GARRE1: variants seen among roughly 807,000 people sequenced by gnomAD.
GARRE1 encodes the protein granule associated Rac and RHOG effector protein 1.
GARRE1 carries 49 observed loss-of-function variants against 103.2 expected under a neutral mutation model. The observed-to-expected ratio is 0.47, with a 90% CI of 0.38 to 0.60. GARRE1 has a LOEUF of 0.60. Among genes scored for constraint, GARRE1 ranks in the 20% least tolerant of loss-of-function variants. The probability of loss-of-function intolerance (pLI) is 0.00; values close to 1 mark genes in which losing one functional copy is unlikely to be tolerated. For missense variants in GARRE1, 1,199 were observed against 1,370.5 expected, an observed-to-expected ratio of 0.87 and a Z score of 1.98; for synonymous variants, 505 against 532.8, an observed-to-expected ratio of 0.95 and a Z score of 0.72.
At position 34,330,208 on chromosome 19, in the gene GARRE1, TGAA is replaced by T. The variant is rs758145067; in HGVS notation, c.1126_1128del (p.Lys376del). On this transcript the variant is annotated inframe_deletion, in exon 7 of 14. Transcript: ENST00000299505. The stretch of plus-strand genomic sequence containing the variant: ...CTATAGCATACAATGTTACAGCTGA[TGAA>T]GGAGGCAGGCTGCTATAATGGAATC... The T allele has an allele frequency of 4.8e-5, 78 of 1,613,926 alleles. No individual in the cohort carries two copies. The highest frequency in any genetic ancestry group is 6.4e-5 in the Non-Finnish European group (75 of 1,179,930).
intron 12 of GARRE1, among the ~76,000 whole-genome samples, chr19:34,350,928 G>A (rs1258674806): frequency 1.3e-5 from 2 of 152,058 alleles, no homozygotes; most frequent in African/African-American, 4.8e-5. Flanking sequence ...GCCGGACTCG[G>A]TGGCTCACAC....
Position 34,300,684 on chromosome 19 carries a change from ACTC to A in GARRE1, c.214_216del (p.Pro72del), listed in dbSNP as rs755075889. On this transcript the variant is annotated inframe_deletion, in exon 2 of 14. Transcript: ENST00000299505. Reference sequence around the variant, plus strand: ...CTGCCACCATGCCATGCCCCACACTACTCCTATCGCCGACATCCAGCAGGGCAT... The same window carrying A: ...CTGCCACCATGCCATGCCCCACACTACTATCGCCGACATCCAGCAGGGCAT... 6.3e-5 allele frequency: 101 copies of A among 1,613,442 alleles called. No individual in the cohort carries two copies. In the South Asian group the frequency reaches 1.0e-3, roughly 16 times the overall value.
intron 12 of GARRE1, among the ~76,000 whole-genome samples, chr19:34,350,781 C>T (rs2074232512): frequency 1.3e-5 from 2 of 151,902 alleles, no homozygotes. Context: ...CAGGGTTTCA[C>T]CATGTTAGCC....
intron 1 of GARRE1, chr19:34,265,419 T>C (rs1157909412): frequency 6.6e-6 from 1 of 152,270 alleles, no homozygotes; most frequent in East Asian, 1.9e-4. Flanking sequence ...TGAGTCACTT[T>C]GTAATGTACT....
At chr19:34,260,026 CAATT>C (rs1387978761) in intron 1 of GARRE1, among the ~76,000 whole-genome samples, 1 of 152,204 alleles carries the variant, frequency 6.6e-6, no homozygotes, top group Non-Finnish European at 1.5e-5. Context: ...AACTGTGAAT[CAATT>C]AAGCCTCTTT....
chr19:34,267,721 ATT>A (rs564062363), intron 1 of GARRE1, among the ~76,000 whole-genome samples: 1 of 144,878 alleles, frequency 6.9e-6, no homozygotes, highest in Non-Finnish European at 1.5e-5. Flanking sequence ...TAGACTGTTG[ATT>A]TTTTTTTTTA....
chr19:34,317,009 A>G (rs1292662777), intron 2 of GARRE1, among the ~76,000 whole-genome samples: 2 of 152,154 alleles, frequency 1.3e-5, no homozygotes, highest in East Asian at 3.9e-4. Context: ...CATTCTCCCC[A>G]GGGGTGATGG....
In GARRE1 at chr19:34,293,743, C is replaced by T. The variant is rs199921970; in HGVS notation, c.-795-5936C>T. Among the ~76,000 whole-genome samples the T allele has an allele frequency of 1.2e-4, 14 of 113,526 alleles. No individual in the cohort carries two copies. In the East Asian group the frequency reaches 4.3e-3, roughly 35 times the overall value. The allele number at this position is 113,526 out of a possible 152,430, so 74.5% of individuals were successfully genotyped here. On this transcript the variant is annotated intron_variant, in intron 1 of 13. Coordinates refer to ENST00000299505, the MANE Select transcript of GARRE1 (RefSeq NM_014686.5). ...ACACACACACACACACACACACACA[C>T]ATATTTCTTTTTTTTTTTTTTTTTT...
intron 1 of GARRE1, among the ~76,000 whole-genome samples, chr19:34,257,351 T>A (rs1343514807): frequency 6.6e-6 from 1 of 152,222 alleles, no homozygotes; most frequent in East Asian, 1.9e-4. Flanking sequence ...ACTCTCTTTT[T>A]TTTTGAGTCG....
At chr19:34,290,430 T>C (rs1443809572) in intron 1 of GARRE1, among the ~76,000 whole-genome samples, 1 of 152,174 alleles carries the variant, frequency 6.6e-6, no homozygotes, top group African/African-American at 2.4e-5. Context: ...CTTGCCTACC[T>C]GAAATGTGCT....
At chr19:34,314,958 C>T (rs1005922120) in intron 2 of GARRE1, among the ~76,000 whole-genome samples, 9 of 152,124 alleles carry the variant, frequency 5.9e-5, no homozygotes, top group Non-Finnish European at 1.2e-4. Flanking sequence ...AAAGATACCT[C>T]ATTAAGAACA....
At position 34,354,230 on chromosome 19, in the gene GARRE1, T is replaced by C. The variant is rs2074257472; in HGVS notation, c.*1275T>C. ...CAGTATTAATATTTTTTTTATATTT[T>C]CTTAAATCATTAAACCATTTTAATA... On this transcript the variant is annotated 3_prime_UTR_variant, in exon 14 of 14. Coordinates refer to ENST00000299505, the MANE Select transcript of GARRE1 (RefSeq NM_014686.5). The C allele has an allele frequency of 6.6e-6, 1 of 152,242 alleles. No individual in the cohort carries two copies. Among genetic ancestry groups the C allele is most frequent in the Non-Finnish European group, 1.5e-5 (1 of 68,014 alleles). 9.4% of individuals were successfully genotyped at this position (152,242 alleles called of 1,614,324 possible). A position where few individuals can be genotyped will look rare whatever the true frequency, so the allele number is the denominator to read the frequency against.
chr19:34,325,584 C>T (rs2074107726), intron 3 of GARRE1, among the ~76,000 whole-genome samples: 1 of 152,248 alleles, frequency 6.6e-6, no homozygotes, highest in Admixed American at 6.5e-5. Flanking sequence ...CCCCTTCTTC[C>T]ACGTCCTTCA....
intron 1 of GARRE1, among the ~76,000 whole-genome samples, chr19:34,255,152 C>T (rs995839257): frequency 6.7e-6 from 1 of 148,776 alleles, no homozygotes; most frequent in Non-Finnish European, 1.5e-5. Flanking sequence ...TTTTCCGGCC[C>T]TGCGGAGCCA....
rs901903734 is a variant in GARRE1 at position 34,291,665 on chromosome 19, G to A, written c.-795-8014G>A. The stretch of plus-strand genomic sequence containing the variant: ...ATAATGCCATTAATCTATTCAGGAG[G>A]ACAAGAGCCTTCATGACCTAATCAT... On this transcript the variant is annotated intron_variant, in intron 1 of 13. Coordinates refer to ENST00000299505, the MANE Select transcript of GARRE1 (RefSeq NM_014686.5). Among the ~76,000 whole-genome samples, 34 of 152,130 alleles carry A rather than the reference G, an allele frequency of 2.2e-4. 1 individual carries two copies. Among genetic ancestry groups the A allele is most frequent in the African/African-American group, 7.5e-4 (31 of 41,434 alleles).
intron 6 of GARRE1, among the ~76,000 whole-genome samples, chr19:34,328,493 C>T (rs570787551): frequency 3.4e-5 from 5 of 147,556 alleles, no homozygotes; most frequent in Non-Finnish European, 7.4e-5. Context: ...TGCGCCATTG[C>T]ACTCCAACCT....
intron 3 of GARRE1, among the ~76,000 whole-genome samples, chr19:34,321,824 C>T (rs564610869): frequency 7.9e-5 from 12 of 152,272 alleles, no homozygotes; most frequent in Admixed American, 4.6e-4. Flanking sequence ...CCCAGCACAG[C>T]AGATATGTTT....
intron 1 of GARRE1, among the ~76,000 whole-genome samples, chr19:34,277,118 G>C (rs892997146): frequency 6.6e-6 from 1 of 152,110 alleles, no homozygotes; most frequent in Non-Finnish European, 1.5e-5. Context: ...TGTGTAAAGA[G>C]CTTGGGGCAC....
Position 34,354,021 on chromosome 19 carries a change from AGAATT to A in GARRE1, c.*1071_*1075del, listed in dbSNP as rs1252701674. The A allele has an allele frequency of 6.6e-6, 1 of 152,642 alleles. No homozygotes were observed. Among genetic ancestry groups the A allele is most frequent in the Admixed American group, 6.5e-5 (1 of 15,268 alleles). The allele number at this position is 152,642 out of a possible 1,614,324, so 9.5% of individuals were successfully genotyped here. ...ATTTTCCAGCCAGAATGGATCCAGAAGAATTGAATGGTGCTTAAATTGAGAAATAA... is the reference window on the plus strand; with the variant it reads ...ATTTTCCAGCCAGAATGGATCCAGAAGAATGGTGCTTAAATTGAGAAATAA... On this transcript the variant is annotated 3_prime_UTR_variant, in exon 14 of 14. Transcript: ENST00000299505.
Sources: allele counts gnomAD v4.1 joint callset (sites outside exome capture counted in the v4.1 genomes callset), GRCh38; gene constraint gnomAD v4.1.1; transcripts MANE v1.5; gene names NCBI Gene and HGNC (gene_info 2026-07-23, HGNC 2026-07-21).